The following SRGAP3 variants were observed in gnomAD, a reference collection of about 807,000 sequenced individuals.
The protein encoded by SRGAP3 is SLIT-ROBO Rho GTPase-activating protein 3.
SRGAP3 carries 39 observed loss-of-function variants against 121.1 expected under a neutral mutation model. The observed-to-expected ratio is 0.32, with a 90% confidence interval of 0.25 to 0.42. The LOEUF is 0.42. Ranked by LOEUF, SRGAP3 falls within the 10% of genes least tolerant of loss-of-function variation. The probability of loss-of-function intolerance (pLI) is 1.00; values close to 1 mark genes in which losing one functional copy is unlikely to be tolerated. For synonymous variants in SRGAP3, 601 were observed against 570.0 expected, an observed-to-expected ratio of 1.05 and a Z score of -0.77; for missense variants, 1,213 against 1,470.6, an observed-to-expected ratio of 0.82 and a Z score of 2.86.
intron 1 of SRGAP3, among the ~76,000 whole-genome samples, chr3:9,247,458 C>T (rs1348378797): frequency 6.6e-6 from 1 of 152,116 alleles, no homozygotes; most frequent in African/African-American, 2.4e-5. Flanking sequence ...GGCAAAAAGA[C>T]TGTTGGTGAG....
chr3:9,262,152 G>C (rs1317389839), intron 3 of SRGAP3, among the ~76,000 whole-genome samples: 1 of 152,052 alleles, frequency 6.6e-6, no homozygotes, highest in African/African-American at 2.4e-5. Flanking sequence ...TTACAGACAA[G>C]CAAATGCTGA....
At chr3:9,090,744 C>T (rs1183112945) in intron 3 of SRGAP3, among the ~76,000 whole-genome samples, 1 of 152,180 alleles carries the variant, frequency 6.6e-6, no homozygotes, top group Non-Finnish European at 1.5e-5. Context: ...TCAAGGGATT[C>T]TCCTGCCTCA....
rs568476391 is a variant in SRGAP3 at position 8,996,023 on chromosome 3, G to T, written c.2228-1500C>A. ...TATTCATCCACCTGTCCATCACACAGTTAAGCTCAGAACATTTGGCTTTAC... is the reference window on the plus strand; with the variant it reads ...TATTCATCCACCTGTCCATCACACATTTAAGCTCAGAACATTTGGCTTTAC... On this transcript the variant is annotated intron_variant, in intron 18 of 21. Coordinates refer to ENST00000383836, the MANE Select transcript of SRGAP3 (RefSeq NM_014850.4). Among the ~76,000 whole-genome samples the T allele has an allele frequency of 2.6e-5, 4 of 152,274 alleles. No homozygotes were observed. The East Asian group carries it at 7.7e-4, about 29-fold the overall frequency.
intron 3 of SRGAP3, among the ~76,000 whole-genome samples, chr3:9,097,050 G>A (rs530076746): frequency 3.5e-5 from 5 of 143,816 alleles, no homozygotes; most frequent in Non-Finnish European, 7.5e-5. Flanking sequence ...GAGTACAGTG[G>A]TACAATCTTG....
At chr3:8,986,038 G>C in intron 21 of SRGAP3, 106 bp from the exon 22 acceptor site, 2 of 1,566,424 alleles carry the variant, frequency 1.3e-6, no homozygotes, top group South Asian at 2.3e-5. Flanking sequence ...CAGAAGCCTC[G>C]CGGCAGGGAT....
intron 1 of SRGAP3, among the ~76,000 whole-genome samples, chr3:9,242,589 C>T (rs1169163492): frequency 2.6e-5 from 4 of 152,208 alleles, no homozygotes; most frequent in Non-Finnish European, 5.9e-5. Flanking sequence ...GAGCCAAGAT[C>T]GTGCCACTGC....
intron 1 of SRGAP3, among the ~76,000 whole-genome samples, chr3:9,189,150 G>A (rs950145835): frequency 6.6e-6 from 1 of 152,148 alleles, no homozygotes; most frequent in African/African-American, 2.4e-5. Context: ...GTCCACTCAG[G>A]ATTTTATCCT....
intron 12 of SRGAP3, among the ~76,000 whole-genome samples, chr3:9,028,291 G>A (rs758280524): frequency 4.6e-5 from 7 of 152,186 alleles, no homozygotes; most frequent in Non-Finnish European, 1.0e-4. Flanking sequence ...GCCGGCCTGT[G>A]GGGAGAGCCA....
chr3:9,012,009 G>T (rs1943403787), intron 17 of SRGAP3, among the ~76,000 whole-genome samples: 1 of 152,210 alleles, frequency 6.6e-6, no homozygotes, highest in African/African-American at 2.4e-5. Flanking sequence ...CAAAAACTGT[G>T]TGAAAATTCT....
chr3:9,104,661 G>C lies in SRGAP3; in HGVS notation c.423+19C>G, dbSNP rs1423516043. On this transcript the variant is annotated intron_variant, in intron 3 of 21. Transcript: ENST00000383836. The stretch of plus-strand genomic sequence containing the variant: ...TTGGGGCAAAGACCTGGGACACGTA[G>C]AGCAGCCCACTTGCCTACCTTTTTG... 1.9e-6 allele frequency: 3 copies of C among 1,613,854 alleles called. No individual in the cohort carries two copies. Among genetic ancestry groups the C allele is most frequent in the Non-Finnish European group, 2.5e-6 (3 of 1,179,850 alleles).
intron 1 of SRGAP3, among the ~76,000 whole-genome samples, chr3:9,229,068 C>CAAAA (rs61231273): frequency 1.6e-4 from 12 of 74,062 alleles, no homozygotes; most frequent in East Asian, 4.1e-4. Flanking sequence ...GACTCCGTCT[C>CAAAA]AAAAAAAAAA....
chr3:9,158,002 A>G (rs1950477441), intron 1 of SRGAP3, among the ~76,000 whole-genome samples: 1 of 152,234 alleles, frequency 6.6e-6, no homozygotes, highest in Admixed American at 6.5e-5. Flanking sequence ...AGTCTCTGAA[A>G]GTCCACCTAA....
chr3:8,995,753 C>T (rs1223090807), intron 18 of SRGAP3, among the ~76,000 whole-genome samples: 1 of 152,070 alleles, frequency 6.6e-6, no homozygotes, highest in Admixed American at 6.6e-5. Context: ...ATAGTTTCTA[C>T]CCTAAGAAGT....
intron 1 of SRGAP3, among the ~76,000 whole-genome samples, chr3:9,331,411 T>A (rs558492348): frequency 6.6e-6 from 1 of 152,300 alleles, no homozygotes; most frequent in Non-Finnish European, 1.5e-5. Context: ...TATGCATGCA[T>A]GCATGCACAG....
chr3:9,208,746 G>A (rs746120478), intron 1 of SRGAP3, among the ~76,000 whole-genome samples: 11 of 152,178 alleles, frequency 7.2e-5, no homozygotes, highest in Non-Finnish European at 1.2e-4. Flanking sequence ...CACAGGGCTC[G>A]GGTGTCAGGC....
intron 3 of SRGAP3, among the ~76,000 whole-genome samples, chr3:9,316,137 C>T (rs900180570): frequency 2.6e-5 from 4 of 152,108 alleles, no homozygotes; most frequent in African/African-American, 9.7e-5. Flanking sequence ...CAACCTCCGC[C>T]TCTTGGATTC....
intron 1 of SRGAP3, among the ~76,000 whole-genome samples, chr3:9,136,410 ACCGCC>A (rs1234602738): frequency 2.8e-5 from 2 of 70,734 alleles, no homozygotes; most frequent in Non-Finnish European, 6.3e-5. Context: ...CCCCCCCCCG[ACCGCC>A]CCGCCCCGCC....
At chr3:9,315,665 G>A (rs1955332163) in intron 3 of SRGAP3, among the ~76,000 whole-genome samples, 1 of 152,122 alleles carries the variant, frequency 6.6e-6, no homozygotes, top group East Asian at 1.9e-4. Flanking sequence ...CTGCCACACT[G>A]TACAAAATTC....
chr3:9,150,752 A>C (rs1314277544), intron 1 of SRGAP3, among the ~76,000 whole-genome samples: 2 of 152,256 alleles, frequency 1.3e-5, no homozygotes, highest in Non-Finnish European at 2.9e-5. Flanking sequence ...GAAGGAAAAA[A>C]AAAGGGAAAA....
Sources: gnomAD v4.1 joint callset for allele counts (sites outside exome capture counted in the v4.1 genomes callset) on GRCh38, gnomAD v4.1.1 for gene constraint, MANE v1.5 for transcripts, NCBI Gene and HGNC (gene_info 2026-07-23, HGNC 2026-07-21) for gene names.